UVRAG: variants seen among roughly 807,000 people sequenced by gnomAD.
UVRAG encodes the protein UV radiation resistance-associated gene protein.
In UVRAG, 19 loss-of-function variants were observed where a neutral mutation model predicts 78.0. The observed-to-expected ratio is 0.24, with a 90% CI of 0.17 to 0.36. The LOEUF is 0.36. UVRAG is among the 10% of genes least tolerant of loss of function. The pLI is 1.00. For synonymous variants in UVRAG, 323 were observed against 324.6 expected (o/e 1.00, Z 0.05); for missense variants, 740 against 853.8 (o/e 0.87, Z 1.66).
At chr11:75,817,092 G>T (rs1438785840) in intron 1 of UVRAG, among the ~76,000 whole-genome samples, 3 of 152,136 alleles carry the variant, frequency 2.0e-5, no homozygotes, top group African/African-American at 7.2e-5. Flanking sequence ...ACAGGGAGAG[G>T]GTAGAAGTCT....
At chr11:76,059,073 AG>A (rs1951032910) in intron 12 of UVRAG, among the ~76,000 whole-genome samples, 1 of 152,348 alleles carries the variant, frequency 6.6e-6, no homozygotes, top group East Asian at 1.9e-4. Flanking sequence ...ATTATGAAGC[AG>A]GGCTGAGAAG....
intron 1 of UVRAG, among the ~76,000 whole-genome samples, chr11:75,831,094 A>C (rs891550177): frequency 6.6e-6 from 1 of 152,184 alleles, no homozygotes; most frequent in Admixed American, 6.5e-5. Flanking sequence ...GTTTATAGTA[A>C]GTGTTCAAAA....
intron 3 of UVRAG, among the ~76,000 whole-genome samples, chr11:75,873,831 G>C (rs1414741768): frequency 1.3e-5 from 2 of 152,150 alleles, no homozygotes; most frequent in East Asian, 3.9e-4. Context: ...AGTTGGTGAA[G>C]GGTACTCAGT....
At chr11:76,038,348 G>C (rs1950578731) in intron 12 of UVRAG, among the ~76,000 whole-genome samples, 1 of 151,274 alleles carries the variant, frequency 6.6e-6, no homozygotes, top group Non-Finnish European at 1.5e-5. Context: ...CTGGGGACAT[G>C]GTTTATGCAA....
rs1170019548 is a variant in UVRAG at position 75,983,427 on chromosome 11, T to C, written c.740T>C (p.Leu247Pro). The change falls in exon 8 of 15, where the codon CTT (leucine) becomes CCT (proline). Residue 247 changes from leucine to proline, a missense_variant. Physicochemically the swap from Leu to Pro is moderately conservative, Grantham distance 98 (BLOSUM62 -3). Transcript: ENST00000356136. ...SECLQLKILV[L>P]QNELERQKKA... is the part of the protein sequence containing the mutation. ...TGCCTGCAGTTAAAAATTTTGGTGC[T>C]TCAGAATGAACTGGAACGGCAGAAG... 2 of 1,607,740 alleles carry C rather than the reference T, an allele frequency of 1.2e-6. No individual in the cohort carries two copies. Among genetic ancestry groups the C allele is most frequent in the Non-Finnish European group, 1.7e-6 (2 of 1,177,050 alleles).
intron 12 of UVRAG, among the ~76,000 whole-genome samples, chr11:76,023,903 A>G (rs1950287165): frequency 6.6e-6 from 1 of 152,052 alleles, no homozygotes; most frequent in South Asian, 2.1e-4. Context: ...CTACTGTACC[A>G]TTTTTGCTGA....
chr11:76,090,649 A>C (rs1284996182), intron 13 of UVRAG, among the ~76,000 whole-genome samples: 5 of 152,188 alleles, frequency 3.3e-5, no homozygotes, highest in Non-Finnish European at 7.4e-5. Flanking sequence ...CATGTAGTAT[A>C]CTGTGATTAC....
At chr11:75,838,304 A>G (rs901515416) in intron 1 of UVRAG, among the ~76,000 whole-genome samples, 1 of 152,070 alleles carries the variant, frequency 6.6e-6, no homozygotes, top group Non-Finnish European at 1.5e-5. Context: ...ATCAAAGAAT[A>G]TGTGCATTTG....
Position 75,829,546 on chromosome 11 carries a change from G to A in UVRAG, c.117+14022G>A, listed in dbSNP as rs541959239. On this transcript the variant is annotated intron_variant, in intron 1 of 14. Coordinates refer to ENST00000356136, the MANE Select transcript of UVRAG (RefSeq NM_003369.4). ...TGAATGCTTGTAAATGCCAGAGACTGTTTAGGTGCTGGAAGTAAAACAGCA... is the reference window on the plus strand; with the variant it reads ...TGAATGCTTGTAAATGCCAGAGACTATTTAGGTGCTGGAAGTAAAACAGCA... 2.0e-5 allele frequency among the ~76,000 whole-genome samples: 3 copies of A among 152,304 alleles called. No homozygotes were observed. In the East Asian group the frequency reaches 5.8e-4, roughly 29 times the overall value.
chr11:75,965,344 C>CTCTG (rs1948998872), intron 7 of UVRAG, among the ~76,000 whole-genome samples: 1 of 151,846 alleles, frequency 6.6e-6, no homozygotes, highest in Admixed American at 6.5e-5. Context: ...CGGAGTCTCG[C>CTCTG]TCTGTCGCCC....
At position 75,977,500 on chromosome 11, in the gene UVRAG, G is replaced by A. The variant is rs532911109; in HGVS notation, c.700-5887G>A. Among the ~76,000 whole-genome samples the A allele has an allele frequency of 3.9e-5, 6 of 152,222 alleles. No individual in the cohort carries two copies. The South Asian group carries it at 1.2e-3, about 32-fold the overall frequency. On this transcript the variant is annotated intron_variant, in intron 7 of 14. Coordinates refer to ENST00000356136, the MANE Select transcript of UVRAG (RefSeq NM_003369.4). ...AAAGTCTCCCATTATTATTGTGTGG[G>A]ACTCTAAGTCTCTTTGTAGGTCTCT...
chr11:76,051,961 A>G (rs1950878517), intron 12 of UVRAG, among the ~76,000 whole-genome samples: 1 of 152,172 alleles, frequency 6.6e-6, no homozygotes, highest in Non-Finnish European at 1.5e-5. Context: ...ATGCAACTTC[A>G]AAGTCGTCCC....
At chr11:76,107,540 A>G (rs1459539498) in intron 13 of UVRAG, among the ~76,000 whole-genome samples, 10 of 152,250 alleles carry the variant, frequency 6.6e-5, no homozygotes, top group Non-Finnish European at 1.5e-4. Context: ...CAGTGTTTAC[A>G]TTATAACATA....
chr11:76,118,191 T>C (rs895520688), intron 14 of UVRAG, among the ~76,000 whole-genome samples: 9 of 152,232 alleles, frequency 5.9e-5, no homozygotes. Flanking sequence ...TGGTTGCTGT[T>C]GTAAATTTTT....
At chr11:75,880,095 AC>A in intron 4 of UVRAG, 55 bp downstream of exon 4, 1 of 1,584,842 alleles carries the variant, frequency 6.3e-7, no homozygotes, top group Admixed American at 1.8e-5. Flanking sequence ...AACGTGTCTA[AC>A]CTTTCTGTTG....
rs116198908 is a variant in UVRAG, at chr11:76,100,227, G to A, written c.1306-15697G>A. The stretch of plus-strand genomic sequence containing the variant: ...ACACTTCCAAAAGGAGATAAAGTCA[G>A]AAATGATTCTTCAGTGTTGCTAACC... On this transcript the variant is annotated intron_variant, in intron 13 of 14. Transcript: ENST00000356136. 3.7e-3 allele frequency among the ~76,000 whole-genome samples: 566 copies of A among 152,262 alleles called. 2 individuals carry two copies. The highest frequency in any genetic ancestry group is 0.013 in the African/African-American group (524 of 41,592).
chr11:76,090,458 T>C (rs539486577), intron 13 of UVRAG, among the ~76,000 whole-genome samples: 15 of 152,294 alleles, frequency 9.8e-5, no homozygotes, highest in African/African-American at 3.4e-4. Context: ...GCAGTGCCTA[T>C]TTCCAGCTTC....
intron 14 of UVRAG, among the ~76,000 whole-genome samples, chr11:76,136,209 A>G (rs985734654): frequency 2.0e-5 from 3 of 152,206 alleles, no homozygotes; most frequent in African/African-American, 7.2e-5. Context: ...ATACTAAAAT[A>G]TGAATGAAGG....
intron 3 of UVRAG, among the ~76,000 whole-genome samples, chr11:75,869,923 G>T (rs1167385571): frequency 6.6e-6 from 1 of 152,178 alleles, no homozygotes; most frequent in Non-Finnish European, 1.5e-5. Context: ...ATGTCCTCTT[G>T]TGGGTGTGTG....
Sources: gnomAD v4.1 joint callset for allele counts (sites outside exome capture counted in the v4.1 genomes callset) on GRCh38, gnomAD v4.1.1 for gene constraint, MANE v1.5 for transcripts, NCBI Gene and HGNC (gene_info 2026-07-23, HGNC 2026-07-21) for gene names.